HTR1F: variants seen among roughly 807,000 people sequenced by gnomAD.
HTR1F encodes 5-hydroxytryptamine (serotonin) receptor 1F, G protein-coupled.
A neutral mutation model predicts 24.0 loss-of-function variants in HTR1F; 17 were observed. The ratio of observed to expected loss-of-function variants is 0.71; its 90% CI spans 0.48 to 1.06. The LOEUF (loss-of-function observed/expected upper bound fraction) is 1.06, where lower values mean the gene tolerates loss of function less well. Ranked by LOEUF, HTR1F falls within the 50% of genes least tolerant of loss-of-function variation. The pLI is 0.00. For missense variants in HTR1F, 391 were observed against 427.8 expected, an observed-to-expected ratio of 0.91 and a Z score of 0.76; for synonymous variants, 186 against 156.8, an observed-to-expected ratio of 1.19 and a Z score of -1.39.
At chr3:87,858,493 T>C (rs1322287634) in intron 2 of HTR1F, among the ~76,000 whole-genome samples, 1 of 152,190 alleles carries the variant, frequency 6.6e-6, no homozygotes, top group Non-Finnish European at 1.5e-5. Context: ...GTTTACTTTT[T>C]ATAGATTCAT....
rs1228545216 is a variant in HTR1F, at chr3:87,992,534, T to C, written c.*684T>C. 6.0e-6 allele frequency: 1 copy of C among 167,046 alleles called. No individual in the cohort carries two copies. Among genetic ancestry groups the C allele is most frequent in the Non-Finnish European group, 1.5e-5 (1 of 68,102 alleles). 10.3% of individuals were successfully genotyped at this position (167,046 alleles called of 1,614,324 possible). A position where few individuals can be genotyped will look rare whatever the true frequency, so the allele number is the denominator to read the frequency against. On this transcript the variant is annotated 3_prime_UTR_variant, in exon 3 of 3. Coordinates refer to ENST00000319595, the MANE Select transcript of HTR1F (RefSeq NM_001322209.2). Reference sequence around the variant, plus strand: ...TTGATATAAACTTCTAGAATAATATTATCTTATCCTTATATTATCAGCATT... The same window carrying C: ...TTGATATAAACTTCTAGAATAATATCATCTTATCCTTATATTATCAGCATT...
intron 2 of HTR1F, among the ~76,000 whole-genome samples, chr3:87,969,477 T>A (rs1396918189): frequency 6.6e-6 from 1 of 152,230 alleles, no homozygotes; most frequent in African/African-American, 2.4e-5. Context: ...TTGACTGCCC[T>A]GCTGGATTTT....
chr3:87,820,911 T>C (rs1468533323), intron 1 of HTR1F, among the ~76,000 whole-genome samples: 1 of 152,140 alleles, frequency 6.6e-6, no homozygotes, highest in Non-Finnish European at 1.5e-5. Context: ...GTACTAAATA[T>C]GACTAAATCA....
intron 2 of HTR1F, among the ~76,000 whole-genome samples, chr3:87,835,236 G>A (rs1331628028): frequency 6.6e-6 from 1 of 152,078 alleles, no homozygotes; most frequent in African/African-American, 2.4e-5. Flanking sequence ...CAAGGCAAAA[G>A]GAAAATGCCT....
intron 2 of HTR1F, among the ~76,000 whole-genome samples, chr3:87,969,254 C>T (rs1705235046): frequency 6.6e-6 from 1 of 152,222 alleles, no homozygotes; most frequent in South Asian, 2.1e-4. Flanking sequence ...CCTCCAGACC[C>T]TGGAATGGTA....
At chr3:87,818,791 C>T (rs1173589899) in intron 1 of HTR1F, among the ~76,000 whole-genome samples, 1 of 152,170 alleles carries the variant, frequency 6.6e-6, no homozygotes, top group Non-Finnish European at 1.5e-5. Context: ...GCAAGTGCTT[C>T]TTTAACTTTG....
chr3:87,939,514 TG>T (rs1188749219), intron 2 of HTR1F, among the ~76,000 whole-genome samples: 1 of 152,200 alleles, frequency 6.6e-6, no homozygotes, highest in Admixed American at 6.5e-5. Flanking sequence ...GGGCTTTTTT[TG>T]GTTGGTAGGC....
chr3:87,828,209 G>A (rs1265428504), intron 2 of HTR1F, among the ~76,000 whole-genome samples: 1 of 152,208 alleles, frequency 6.6e-6, no homozygotes, highest in Non-Finnish European at 1.5e-5. Context: ...TCAGTTGGTA[G>A]ATGAGAACTT....
intron 2 of HTR1F, among the ~76,000 whole-genome samples, chr3:87,962,474 A>G (rs921228737): frequency 2.6e-5 from 4 of 152,220 alleles, no homozygotes; most frequent in African/African-American, 9.6e-5. Context: ...GACGACATGA[A>G]CTTCATTATA....
At chr3:87,934,715 CAT>C (rs1439482869) in intron 2 of HTR1F, among the ~76,000 whole-genome samples, 1 of 152,164 alleles carries the variant, frequency 6.6e-6, no homozygotes, top group Non-Finnish European at 1.5e-5. Flanking sequence ...AGCAATCAAA[CAT>C]AAGACTGAAG....
chr3:87,925,464 C>T (rs199698968), intron 2 of HTR1F, among the ~76,000 whole-genome samples: 1 of 152,080 alleles, frequency 6.6e-6, no homozygotes, highest in Admixed American at 6.6e-5. Flanking sequence ...GTGCTGTGGT[C>T]ACATTTGTAC....
At chr3:87,866,088 AAAG>A (rs1421704809) in intron 2 of HTR1F, among the ~76,000 whole-genome samples, 1 of 152,180 alleles carries the variant, frequency 6.6e-6, no homozygotes, top group Admixed American at 6.5e-5. Flanking sequence ...TTTCTCTCTA[AAAG>A]AAGGACCAGT....
chr3:87,819,692 ACCAGTATCT>A (rs1007342509), intron 1 of HTR1F, among the ~76,000 whole-genome samples: 36 of 152,218 alleles, frequency 2.4e-4, no homozygotes, highest in African/African-American at 7.9e-4. Flanking sequence ...TTTATAACTG[ACCAGTATCT>A]CCATCATGCC....
chr3:87,944,755 A>G lies in HTR1F; in HGVS notation c.-42-45953A>G, dbSNP rs185332196. On this transcript the variant is annotated intron_variant, in intron 2 of 2. Transcript: ENST00000319595. ...TGTGCTCACAATGAGGTTTCCTCTA[A>G]AAGTTACTTCTCTACTTTCTTCTGT... Among the ~76,000 whole-genome samples the G allele has an allele frequency of 3.9e-5, 6 of 152,326 alleles. No homozygotes were observed. In the East Asian group the frequency reaches 7.7e-4, roughly 20 times the overall value.
intron 2 of HTR1F, among the ~76,000 whole-genome samples, chr3:87,961,397 T>C (rs1201596380): frequency 6.6e-6 from 1 of 152,070 alleles, no homozygotes; most frequent in Non-Finnish European, 1.5e-5. Flanking sequence ...AATTTTGAGA[T>C]GAAAATGTTA....
At chr3:87,845,889 A>G (rs1227793226) in intron 2 of HTR1F, among the ~76,000 whole-genome samples, 1 of 151,952 alleles carries the variant, frequency 6.6e-6, no homozygotes, top group Non-Finnish European at 1.5e-5. Flanking sequence ...GTTTTCACTC[A>G]CAAATTTGTC....
At chr3:87,930,134 T>G (rs1704226242) in intron 2 of HTR1F, among the ~76,000 whole-genome samples, 1 of 152,206 alleles carries the variant, frequency 6.6e-6, no homozygotes, top group Non-Finnish European at 1.5e-5. Flanking sequence ...ACATTGATTT[T>G]GTATCCTGAG....
intron 2 of HTR1F, among the ~76,000 whole-genome samples, chr3:87,856,384 G>T (rs1304045577): frequency 6.6e-6 from 1 of 151,964 alleles, no homozygotes; most frequent in Non-Finnish European, 1.5e-5. Flanking sequence ...GCGAGCATAT[G>T]GGAAATTTCT....
At chr3:87,927,830 G>A (rs79374009) in intron 2 of HTR1F, among the ~76,000 whole-genome samples, 312 of 152,098 alleles carry the variant, frequency 2.1e-3, no homozygotes, top group African/African-American at 7.3e-3. Flanking sequence ...TTCTCACAGG[G>A]AACAGTACAT....
Sources: gnomAD v4.1 joint callset for allele counts (sites outside exome capture counted in the v4.1 genomes callset) on GRCh38, gnomAD v4.1.1 for gene constraint, MANE v1.5 for transcripts, NCBI Gene and HGNC (gene_info 2026-07-23, HGNC 2026-07-21) for gene names.